Variants in RAB7A observed in about 807,000 individuals in gnomAD.
RAB7A encodes RAB7A, member RAS oncogene family.
Under a neutral mutation model 24.5 loss-of-function variants are expected in RAB7A, and 2 were observed. The ratio of observed to expected loss-of-function variants is 0.08; its 90% CI spans 0.03 to 0.26. RAB7A has a LOEUF of 0.26. Among genes scored for constraint, RAB7A ranks in the 10% least tolerant of loss-of-function variants. RAB7A has a pLI of 1.00. For synonymous variants in RAB7A, 100 were observed against 95.9 expected (o/e 1.04, Z -0.25); for missense variants, 118 against 255.7 (o/e 0.46, Z 3.67).
In RAB7A at chr3:128,803,654, C is replaced by A. The variant is rs1933743421; in HGVS notation, c.181-2718C>A. Among the ~76,000 whole-genome samples, 3 of 152,094 alleles carry A rather than the reference C, an allele frequency of 2.0e-5. No individual in the cohort carries two copies. In the South Asian group the frequency reaches 6.2e-4, roughly 32 times the overall value. Reference sequence around the variant, plus strand: ...GGGGAGTGAAAAACTGCAAATAACTCAAATGATCTGGGGAACTAAGTGAGT... The same window carrying A: ...GGGGAGTGAAAAACTGCAAATAACTAAAATGATCTGGGGAACTAAGTGAGT... On this transcript the variant is annotated intron_variant, in intron 3 of 5. Transcript: ENST00000265062.
At chr3:128,764,885 C>T (rs1049478973) in intron 1 of RAB7A, 43 of 1,400,654 alleles carry the variant, frequency 3.1e-5, no homozygotes, top group Non-Finnish European at 4.2e-5. Context: ...GCCACATCAT[C>T]GCGGTCAAAG....
At position 128,814,156 on chromosome 3, in the gene RAB7A, C is replaced by G. The variant is rs1001226572; in HGVS notation, c.*734C>G. 1.3e-5 allele frequency: 2 copies of G among 153,920 alleles called. No individual in the cohort carries two copies. Among genetic ancestry groups the G allele is most frequent in the Non-Finnish European group, 2.9e-5 (2 of 68,962 alleles). The allele number at this position is 153,920 out of a possible 1,614,324, so 9.5% of individuals were successfully genotyped here. A position where few individuals can be genotyped will look rare whatever the true frequency, so the allele number is the denominator to read the frequency against. On this transcript the variant is annotated 3_prime_UTR_variant, in exon 6 of 6. Transcript: ENST00000265062. ...CAGGCCTGTAAGGTGGAGGGTTGAA[C>G]CCTGTTTGGATTGCAGAGTGTTACT...
intron 1 of RAB7A, among the ~76,000 whole-genome samples, chr3:128,732,897 T>C (rs1301045421): frequency 1.3e-5 from 2 of 152,140 alleles, no homozygotes; most frequent in East Asian, 1.9e-4. Context: ...CAGATACTCT[T>C]GGGTGATGTG....
chr3:128,755,779 A>T (rs753143962), intron 1 of RAB7A, among the ~76,000 whole-genome samples: 74 of 152,018 alleles, frequency 4.9e-4, no homozygotes, highest in Non-Finnish European at 9.7e-4. Context: ...GATTTTTTTT[A>T]AATTATACTT....
Position 128,759,227 on chromosome 3 carries a change from A to T in RAB7A, c.-9+32868A>T, listed in dbSNP as rs1366162554. 3.9e-5 allele frequency among the ~76,000 whole-genome samples: 6 copies of T among 152,330 alleles called. No homozygotes were observed. The East Asian group carries it at 1.2e-3, about 29-fold the overall frequency. ...GAGGCAAATGGTTTAACCTAAGAGG[A>T]ATAAGATTAAGTAAACTGTGTATTA... On this transcript the variant is annotated intron_variant, in intron 1 of 5. Transcript: ENST00000265062.
At chr3:128,763,208 A>ATATATATTTTTTTTTTTTTTT (rs373993932) in intron 1 of RAB7A, among the ~76,000 whole-genome samples, 1 of 76,108 alleles carries the variant, frequency 1.3e-5, no homozygotes, top group Admixed American at 1.7e-4. Context: ...ATATATATAT[A>ATATATATTTTTTTTTTTTTTT]TTTTTTTTTT....
At chr3:128,757,142 G>T (rs2070736170) in intron 1 of RAB7A, among the ~76,000 whole-genome samples, 1 of 152,068 alleles carries the variant, frequency 6.6e-6, no homozygotes, top group Non-Finnish European at 1.5e-5. Context: ...ACCACACCTG[G>T]CCCAGTCCCA....
chr3:128,754,067 A>G (rs1559783787), intron 1 of RAB7A, among the ~76,000 whole-genome samples: 2 of 152,168 alleles, frequency 1.3e-5, no homozygotes, highest in African/African-American at 4.8e-5. Flanking sequence ...GGAAGTCATG[A>G]AGGTTGAAAT....
chr3:128,727,956 C>CTT (rs540873200), intron 1 of RAB7A, among the ~76,000 whole-genome samples: 6,189 of 145,432 alleles, frequency 0.043, 166 homozygotes, highest in Non-Finnish European at 0.059. Context: ...TCATATTTGT[C>CTT]TTTTTTTTTT....
intron 5 of RAB7A, among the ~76,000 whole-genome samples, chr3:128,809,859 G>A (rs1332570018): frequency 1.3e-5 from 2 of 148,868 alleles, no homozygotes; most frequent in African/African-American, 2.5e-5. Context: ...CTGTTCTGGT[G>A]ATGTCCATGC....
Position 128,783,630 on chromosome 3 carries a change from G to A in RAB7A, c.-8-11730G>A, listed in dbSNP as rs200956419. ...CTAGCCTTGGTGGATCTATGCCTTC[G>A]GGCCTTGTTCCTGAATCCCAACTGT... On this transcript the variant is annotated intron_variant, in intron 1 of 5. Transcript: ENST00000265062. Among the ~76,000 whole-genome samples, 19 of 152,158 alleles carry A rather than the reference G, an allele frequency of 1.2e-4. No homozygotes were observed. The East Asian group carries it at 2.9e-3, about 23-fold the overall frequency.
At chr3:128,770,356 G>A (rs965624514) in intron 1 of RAB7A, among the ~76,000 whole-genome samples, 1 of 152,188 alleles carries the variant, frequency 6.6e-6, no homozygotes, top group African/African-American at 2.4e-5. Context: ...GAGTGACTCT[G>A]TTTTGTTTGA....
At chr3:128,782,428 C>A (rs535412646) in intron 1 of RAB7A, among the ~76,000 whole-genome samples, 1 of 152,248 alleles carries the variant, frequency 6.6e-6, no homozygotes, top group East Asian at 1.9e-4. Flanking sequence ...CTTTTCCCAG[C>A]CTCACAAGCA....
At position 128,730,471 on chromosome 3, in the gene RAB7A, A is replaced by G. The variant is rs373165804; in HGVS notation, c.-9+4112A>G. 2.1e-4 allele frequency among the ~76,000 whole-genome samples: 32 copies of G among 152,016 alleles called. 1 individual carries two copies. Among genetic ancestry groups the G allele is most frequent in the African/African-American group, 7.2e-4 (30 of 41,474 alleles). On this transcript the variant is annotated intron_variant, in intron 1 of 5. Transcript: ENST00000265062. ...TCTTGATCTCCTGACCTCGTGATCC[A>G]CCCGCCTCGGCCTCCCAAAGTGCTG... is the stretch of plus-strand genomic sequence containing the variant.
At chr3:128,759,796 G>A (rs1472171405) in intron 1 of RAB7A, among the ~76,000 whole-genome samples, 4 of 151,842 alleles carry the variant, frequency 2.6e-5, no homozygotes, top group Admixed American at 6.6e-5. Context: ...TGCAACCTCC[G>A]CTTCCTGGGT....
intron 5 of RAB7A, among the ~76,000 whole-genome samples, chr3:128,812,362 G>C (rs1039844853): frequency 6.6e-5 from 10 of 152,186 alleles, no homozygotes; most frequent in African/African-American, 2.4e-4. Context: ...TGGTCGACCT[G>C]CTTCAGCCTC....
chr3:128,779,654 A>C (rs149971742), intron 1 of RAB7A, among the ~76,000 whole-genome samples: 16 of 152,256 alleles, frequency 1.1e-4, no homozygotes, highest in African/African-American at 3.6e-4. Flanking sequence ...TACAGTGGCA[A>C]GATCATAGTT....
At chr3:128,743,085 C>A (rs894528474) in intron 1 of RAB7A, among the ~76,000 whole-genome samples, 3 of 152,222 alleles carry the variant, frequency 2.0e-5, no homozygotes, top group African/African-American at 7.2e-5. Context: ...GCAGCTGAGG[C>A]CTGGTGAGAA....
chr3:128,732,003 C>CAAA (rs1196407694), intron 1 of RAB7A, among the ~76,000 whole-genome samples: 2 of 107,692 alleles, frequency 1.9e-5, no homozygotes, highest in Admixed American at 9.7e-5. Context: ...GATTCCATCT[C>CAAA]AAAAAAAAAA....
Sources: allele counts gnomAD v4.1 joint callset (sites outside exome capture counted in the v4.1 genomes callset), GRCh38; gene constraint gnomAD v4.1.1; transcripts MANE v1.5; gene names NCBI Gene and HGNC (gene_info 2026-07-23, HGNC 2026-07-21).